PCDH15: variants seen among roughly 807,000 people sequenced by gnomAD.
The protein encoded by PCDH15 is protocadherin related 15.
In PCDH15, 129 loss-of-function variants were observed where a neutral mutation model predicts 178.5. The observed-to-expected ratio is 0.72, with a 90% CI of 0.63 to 0.84. PCDH15 has a LOEUF of 0.84. Among genes scored for constraint, PCDH15 ranks in the 40% least tolerant of loss-of-function variants. The pLI, the probability that PCDH15 is intolerant of heterozygous loss-of-function variation, is 0.00. For missense variants in PCDH15, 2,230 were observed against 2,099.9 expected, an observed-to-expected ratio of 1.06 and a Z score of -1.21; for synonymous variants, 800 against 732.0, an observed-to-expected ratio of 1.09 and a Z score of -1.50.
intron 2 of PCDH15, among the ~76,000 whole-genome samples, chr10:55,607,643 C>A (rs1843254227): frequency 1.4e-5 from 2 of 145,072 alleles, no homozygotes; most frequent in African/African-American, 5.1e-5. Context: ...TAAACTATCA[C>A]AAGAACAAAA....
At chr10:55,617,394 A>C (rs1843501166) in intron 2 of PCDH15, among the ~76,000 whole-genome samples, 1 of 152,112 alleles carries the variant, frequency 6.6e-6, no homozygotes, top group African/African-American at 2.4e-5. Flanking sequence ...AATACTGTAA[A>C]ATAATATGCA....
intron 26 of PCDH15, among the ~76,000 whole-genome samples, chr10:53,897,201 A>G (rs1219877531): frequency 6.6e-6 from 1 of 151,026 alleles, no homozygotes; most frequent in Admixed American, 6.6e-5. Context: ...CAGATTCTAT[A>G]TGGCCTCCTG....
intron 11 of PCDH15, among the ~76,000 whole-genome samples, chr10:54,186,525 T>C (rs1433769020): frequency 6.6e-6 from 1 of 152,012 alleles, no homozygotes; most frequent in East Asian, 1.9e-4. Flanking sequence ...ATGGTTTCAT[T>C]TGAACCTAAA....
At chr10:54,376,344 A>G (rs1948428966) in intron 4 of PCDH15, among the ~76,000 whole-genome samples, 1 of 151,238 alleles carries the variant, frequency 6.6e-6, no homozygotes, top group Non-Finnish European at 1.5e-5. Flanking sequence ...ATAGTTATTT[A>G]ATAATAATGT....
chr10:55,232,362 T>A (rs1000042183), intron 1 of PCDH15, among the ~76,000 whole-genome samples: 1 of 152,082 alleles, frequency 6.6e-6, no homozygotes, highest in Non-Finnish European at 1.5e-5. Flanking sequence ...TATGAAATAA[T>A]AATTTTGGAA....
At chr10:54,825,142 C>A (rs202084228) in intron 3 of PCDH15, among the ~76,000 whole-genome samples, 1 of 151,286 alleles carries the variant, frequency 6.6e-6, no homozygotes, top group African/African-American at 2.4e-5. Context: ...TTTGTCCTTG[C>A]GATAGTTTGC....
rs140995241 is a variant in PCDH15, at chr10:54,103,967, T to C, written c.1918-13904A>G. Among the ~76,000 whole-genome samples the C allele has an allele frequency of 3.1e-4, 47 of 152,280 alleles. No homozygotes were observed. In the East Asian group the frequency reaches 7.7e-3, roughly 25 times the overall value. On this transcript the variant is annotated intron_variant, in intron 15 of 37. Coordinates refer to ENST00000644397, the MANE Select transcript of PCDH15 (RefSeq NM_001384140.1). ...AAACTCGAGCAGTTCTTTTCAAGTG[T>C]AGCACACTTCCTCATGGGTCACACT...
chr10:53,821,410 A>G (rs1386597807), intron 32 of PCDH15: 6 of 997,366 alleles, frequency 6.0e-6, no homozygotes, highest in Non-Finnish European at 7.2e-6. Flanking sequence ...AGGCTTCAAG[A>G]AAAAACAGAA....
intron 21 of PCDH15, among the ~76,000 whole-genome samples, chr10:53,971,609 T>C (rs183608544): frequency 3.9e-5 from 6 of 152,258 alleles, no homozygotes; most frequent in Admixed American, 3.9e-4. Flanking sequence ...ACAAAATAAA[T>C]GTGCAAAAAT....
At chr10:53,891,228 C>T (rs181193625) in intron 26 of PCDH15, among the ~76,000 whole-genome samples, 1 of 152,214 alleles carries the variant, frequency 6.6e-6, no homozygotes, top group East Asian at 1.9e-4. Flanking sequence ...CTGAATTGTG[C>T]CTTGCAATGC....
At chr10:54,392,877 C>A (rs570517649) in intron 3 of PCDH15, among the ~76,000 whole-genome samples, 5 of 138,160 alleles carry the variant, frequency 3.6e-5, no homozygotes, top group South Asian at 2.2e-4. Context: ...CCAGTCTGGG[C>A]GACAGAGCAA....
chr10:55,511,641 G>A (rs904027038), intron 2 of PCDH15, among the ~76,000 whole-genome samples: 3 of 151,872 alleles, frequency 2.0e-5, no homozygotes, highest in African/African-American at 7.3e-5. Context: ...TATTCATATG[G>A]CAAATAAGCA....
At chr10:54,225,306 T>C (rs1323957559) in intron 9 of PCDH15, among the ~76,000 whole-genome samples, 1 of 152,200 alleles carries the variant, frequency 6.6e-6, no homozygotes, top group Non-Finnish European at 1.5e-5. Context: ...ATATCTGTTA[T>C]TTAAACATAA....
At chr10:54,583,831 C>T (rs1471888959) in intron 2 of PCDH15, among the ~76,000 whole-genome samples, 2 of 152,034 alleles carry the variant, frequency 1.3e-5, no homozygotes, top group African/African-American at 4.8e-5. Context: ...AAAGGTAGAT[C>T]TATTTAGCTA....
At chr10:54,726,519 A>AAAC (rs1464540910) in intron 1 of PCDH15, among the ~76,000 whole-genome samples, 1 of 151,064 alleles carries the variant, frequency 6.6e-6, no homozygotes, top group African/African-American at 2.4e-5. Flanking sequence ...AGGACCGAAA[A>AAAC]TGCTAGAGAA....
chr10:55,328,913 C>CATATATATATATATATAT (rs56104592), intron 2 of PCDH15, among the ~76,000 whole-genome samples: 11 of 111,330 alleles, frequency 9.9e-5, no homozygotes, highest in African/African-American at 2.7e-4. Context: ...TTCACACAAA[C>CATATATATATATATATAT]ATATATATAT....
chr10:55,568,864 A>G (rs571253514), intron 2 of PCDH15, among the ~76,000 whole-genome samples: 1 of 152,150 alleles, frequency 6.6e-6, no homozygotes, highest in East Asian at 1.9e-4. Context: ...TCTTAAAGCC[A>G]TGTCCTCGCT....
At chr10:53,925,284 C>A (rs1215655548) in intron 25 of PCDH15, among the ~76,000 whole-genome samples, 1 of 151,698 alleles carries the variant, frequency 6.6e-6, no homozygotes. Flanking sequence ...ATGAACAACT[C>A]CTGATGGGAG....
chr10:55,230,777 A>T (rs1275060909), intron 1 of PCDH15, among the ~76,000 whole-genome samples: 1 of 151,990 alleles, frequency 6.6e-6, no homozygotes, highest in African/African-American at 2.4e-5. Context: ...ATAGAAAGAG[A>T]GACTAAAATT....
Sources: allele counts gnomAD v4.1 joint callset (sites outside exome capture counted in the v4.1 genomes callset), GRCh38; gene constraint gnomAD v4.1.1; transcripts MANE v1.5; gene names NCBI Gene and HGNC (gene_info 2026-07-23, HGNC 2026-07-21).